The following ADAMTS10 variants were observed in gnomAD, a reference collection of about 807,000 sequenced individuals.
ADAMTS10 encodes the protein A disintegrin and metalloproteinase with thrombospondin motifs 10.
In ADAMTS10, 48 loss-of-function variants were observed where a neutral mutation model predicts 135.9. That is an observed-to-expected ratio of 0.35 (90% CI 0.28 to 0.45). The LOEUF is 0.45. ADAMTS10 is among the 20% of genes least tolerant of loss of function. The pLI, the probability that ADAMTS10 is intolerant of heterozygous loss-of-function variation, is 1.00. For missense variants in ADAMTS10, 1,131 were observed against 1,565.2 expected, an observed-to-expected ratio of 0.72 and a Z score of 4.68; for synonymous variants, 621 against 647.5, an observed-to-expected ratio of 0.96 and a Z score of 0.62.
Position 8,586,388 on chromosome 19 carries a change from C to A in ADAMTS10, c.2486G>T (p.Trp829Leu). Residue 829 changes from tryptophan (W) to leucine (L), a missense_variant, in exon 21 of 26, where the codon TGG (tryptophan) becomes TTG (leucine). Physicochemically the swap from Trp to Leu is moderately conservative, Grantham distance 61 (BLOSUM62 -2). Coordinates refer to ENST00000597188, the MANE Select transcript of ADAMTS10 (RefSeq NM_030957.4). Reference protein sequence around the residue: ...IARDSLPPYSWHYAPWTKCSA... With the variant: ...IARDSLPPYSLHYAPWTKCSA... ...GCACTTGGTCCAGGGCGCATAGTGC[C>A]AGGAGTAGGGGGGCAGCGAGTCACG... The A allele has an allele frequency of 6.2e-7, 1 of 1,613,868 alleles. No homozygotes were observed. Among genetic ancestry groups the A allele is most frequent in the Non-Finnish European group, 8.5e-7 (1 of 1,179,978 alleles).
rs781991380 is a variant in ADAMTS10 at position 8,591,968 on chromosome 19, C to G, written c.1723G>C (p.Asp575His). The change falls in exon 14 of 26, where the codon GAC becomes CAC. Residue 575 changes from aspartate to histidine, a missense_variant. Physicochemically the swap from Asp to His is moderately conservative, Grantham distance 81 (BLOSUM62 -1). Transcript: ENST00000597188. ...GTCCTGAGGGCTGACCTGGGGCTGT[C>G]GCAGTGACGGCTAGAAGAGGACACG... Reference protein sequence around the residue: ...GGVSSSSRHCDSPRPTIGGKY... With the variant: ...GGVSSSSRHCHSPRPTIGGKY... 1 of 1,613,472 alleles carries G rather than the reference C, an allele frequency of 6.2e-7. No homozygotes were observed. The highest frequency in any genetic ancestry group is 2.2e-5 in the East Asian group (1 of 44,860).
At chr19:8,581,129 ACTTTTTTTTTT>A in intron 25 of ADAMTS10, 127 bp from the exon 26 acceptor site, 5 of 126,898 alleles carry the variant, frequency 3.9e-5, no homozygotes, top group Non-Finnish European at 3.8e-5. Flanking sequence ...TTTTAAATTT[ACTTTTTTTTTT>A]TTTTTTTTTT....
At position 8,585,236 on chromosome 19, in the gene ADAMTS10, G is replaced by C. The variant is rs1206673788; in HGVS notation, c.2938C>G (p.Leu980Val). 7.7e-5 allele frequency: 112 copies of C among 1,463,770 alleles called. No individual in the cohort carries two copies. The highest frequency in any genetic ancestry group is 9.1e-5 in the Non-Finnish European group (101 of 1,106,466). 90.7% of individuals were successfully genotyped at this position (1,463,770 alleles called of 1,614,324 possible). ...GCGGGTGAGCAGTGCGCCGGGGGCA[G>C]CGTGGCGCGGTGGTCTGCGCTCTTG... Reference protein sequence around the residue: ...LCKSADHRATLPPAHCSPAAK... With the variant: ...LCKSADHRATVPPAHCSPAAK... Residue 980 changes from leucine to valine, a missense_variant, in exon 24 of 26, where the codon CTG (leucine) becomes GTG (valine). Physicochemically the swap from Leu to Val is conservative, Grantham distance 32. This residue lies in a region of ADAMTS10 where 745 missense variants were observed against 1,056.3 expected (regional missense o/e 0.71). Coordinates refer to ENST00000597188, the MANE Select transcript of ADAMTS10 (RefSeq NM_030957.4).
rs1316512752 is a variant in ADAMTS10, at chr19:8,595,666, C to T, written c.1479+96G>A. The T allele has an allele frequency of 6.5e-6, 10 of 1,532,890 alleles. No individual in the cohort carries two copies. In the South Asian group the frequency reaches 1.0e-4, roughly 15 times the overall value. 95.0% of individuals were successfully genotyped at this position (1,532,890 alleles called of 1,614,324 possible). A position where few individuals can be genotyped will look rare whatever the true frequency, so the allele number is the denominator to read the frequency against. ...ACCCCCCTTCCCGGTTCTCCCACCC[C>T]CTCACTTCCCAGGTGGGTGCCCTGG... On this transcript the variant is annotated intron_variant, in intron 12 of 25. Transcript: ENST00000597188.
intron 25 of ADAMTS10, 32 bp from the exon 26 acceptor site, chr19:8,581,034 G>A: frequency 6.5e-7 from 1 of 1,534,384 alleles, no homozygotes; most frequent in Non-Finnish European, 8.9e-7. Context: ...GGAAAAATCA[G>A]GTCTCAGCTG....
chr19:8,583,913 C>T (rs1555736276), intron 25 of ADAMTS10, among the ~76,000 whole-genome samples: 1 of 152,004 alleles, frequency 6.6e-6, no homozygotes, highest in African/African-American at 2.4e-5. Context: ...AATCCCAGCA[C>T]TTTGGGAGGC....
At chr19:8,600,728 G>A (rs1248774249) in intron 6 of ADAMTS10, among the ~76,000 whole-genome samples, 200 bp downstream of exon 6, 4 of 151,934 alleles carry the variant, frequency 2.6e-5, no homozygotes, top group Admixed American at 6.6e-5. Flanking sequence ...TCCATCTCCT[G>A]ACCTTGTGAT....
chr19:8,591,917 G>A (rs2042535791), intron 14 of ADAMTS10, 41 bp downstream of exon 14: 1 of 1,611,074 alleles, frequency 6.2e-7, no homozygotes, highest in Non-Finnish European at 8.5e-7. Flanking sequence ...ATGGGGGCAG[G>A]GGTCGCGCTG....
Position 8,585,251 on chromosome 19 carries a change from C to A in ADAMTS10, c.2923G>T (p.Asp975Tyr), listed in dbSNP as rs1228984035. The A allele has an allele frequency of 4.7e-6, 7 of 1,488,150 alleles. No homozygotes were observed. Among genetic ancestry groups the A allele is most frequent in the South Asian group, 1.3e-5 (1 of 78,374 alleles). The allele number at this position is 1,488,150 out of a possible 1,614,324, so 92.2% of individuals were successfully genotyped here. The change falls in exon 24 of 26, where the codon GAC becomes TAC. Residue 975 changes from aspartate to tyrosine, a missense_variant. By Grantham distance (160) the Asp-to-Tyr change is radical. Coordinates refer to ENST00000597188, the MANE Select transcript of ADAMTS10 (RefSeq NM_030957.4). ...GCCGGGGGCAGCGTGGCGCGGTGGT[C>A]TGCGCTCTTGCAAAGGACCACGCGG... is the stretch of plus-strand genomic sequence containing the variant. ...RHRVVLCKSA[D>Y]HRATLPPAHC...
chr19:8,594,240 C>A (rs535160171), intron 12 of ADAMTS10, among the ~76,000 whole-genome samples: 8 of 152,306 alleles, frequency 5.3e-5, no homozygotes, highest in African/African-American at 1.9e-4. Context: ...TATTTCCCCT[C>A]TCTGGGCCTC....
intron 1 of ADAMTS10, among the ~76,000 whole-genome samples, chr19:8,609,465 C>A (rs1380556328): frequency 6.6e-6 from 1 of 152,072 alleles, no homozygotes; most frequent in Admixed American, 6.6e-5. Context: ...GGCCAGGCTG[C>A]GGGGACAGGG....
rs782548229 is a variant in ADAMTS10 at position 8,581,053 on chromosome 19, G to C, written c.3203-51C>G. The C allele has an allele frequency of 3.7e-6, 5 of 1,361,660 alleles. No individual in the cohort carries two copies. In the African/African-American group the frequency reaches 7.3e-5, roughly 20 times the overall value. 84.3% of individuals were successfully genotyped at this position (1,361,660 alleles called of 1,614,324 possible). A position where few individuals can be genotyped will look rare whatever the true frequency, so the allele number is the denominator to read the frequency against. On this transcript the variant is annotated intron_variant, in intron 25 of 25. Transcript: ENST00000597188. Reference sequence around the variant, plus strand: ...AAATCAGGTCTCAGCTGCCCTCCCCGCAGGGCTGCACACACGACCTGCAGT... The same window carrying C: ...AAATCAGGTCTCAGCTGCCCTCCCCCCAGGGCTGCACACACGACCTGCAGT...
rs1176807131 is a variant in ADAMTS10, at chr19:8,610,625, C to T, written c.-215+19G>A. On this transcript the variant is annotated intron_variant, in intron 1 of 25. Transcript: ENST00000597188. ...CCCACTGAATCACGCACCCCCGGGC[C>T]CCCCGCCCGCGCCGCTACCTGCGCC... 1 of 150,940 alleles carries T rather than the reference C, an allele frequency of 6.6e-6. No individual in the cohort carries two copies. Among genetic ancestry groups the T allele is most frequent in the Non-Finnish European group, 1.5e-5 (1 of 67,620 alleles). 9.4% of individuals were successfully genotyped at this position (150,940 alleles called of 1,614,324 possible).
intron 25 of ADAMTS10, 123 bp from the exon 26 acceptor site, chr19:8,581,125 ATTTACTTT>A (rs1327679901): frequency 8.7e-6 from 2 of 230,690 alleles, no homozygotes; most frequent in Non-Finnish European, 1.4e-5. Flanking sequence ...TTCTTTTTAA[ATTTACTTT>A]TTTTTTTTTT....
chr19:8,585,843 G>T (rs1200134376), intron 22 of ADAMTS10, among the ~76,000 whole-genome samples, 183 bp from the exon 23 acceptor site: 5 of 152,148 alleles, frequency 3.3e-5, no homozygotes, highest in African/African-American at 1.2e-4. Flanking sequence ...GGGGCAGAGA[G>T]GTGCATTACC....
intron 5 of ADAMTS10, among the ~76,000 whole-genome samples, chr19:8,602,225 T>G (rs545574892): frequency 2.6e-5 from 4 of 152,346 alleles, no homozygotes; most frequent in African/African-American, 9.6e-5. Flanking sequence ...TACTGCTGAC[T>G]GTGGCTGTAT....
In ADAMTS10 at chr19:8,603,721, G is replaced by A. The variant is rs74823486; in HGVS notation, c.592+7C>T. The A allele has an allele frequency of 5.0e-6, 8 of 1,614,048 alleles. No homozygotes were observed. Among genetic ancestry groups the A allele is most frequent in the African/African-American group, 2.7e-5 (2 of 75,014 alleles). ...CCCTCTGCCCATCCCCAGAAAGACCGATGTACCTCTCACTCCACAGGCTGT... is the reference window on the plus strand; with the variant it reads ...CCCTCTGCCCATCCCCAGAAAGACCAATGTACCTCTCACTCCACAGGCTGT... On this transcript the variant is annotated splice_region_variant and intron_variant, in intron 5 of 25. Coordinates refer to ENST00000597188, the MANE Select transcript of ADAMTS10 (RefSeq NM_030957.4).
rs1368832185 is a variant in ADAMTS10, at chr19:8,585,064, G to T, written c.3043-10C>A. 4.0e-6 allele frequency: 6 copies of T among 1,515,910 alleles called. No homozygotes were observed. The African/African-American group carries it at 8.3e-5, about 21-fold the overall frequency. The allele number at this position is 1,515,910 out of a possible 1,614,324, so 93.9% of individuals were successfully genotyped here. A position where few individuals can be genotyped will look rare whatever the true frequency, so the allele number is the denominator to read the frequency against. ...CGCACTGTGCAGAGCACTGCGAGGG[G>T]GCACCACTCAGTTGCTGCCCCGCAG... On this transcript the variant is annotated splice_polypyrimidine_tract_variant and intron_variant, in intron 24 of 25. Transcript: ENST00000597188.
At chr19:8,595,603 C>T in intron 12 of ADAMTS10, 159 bp downstream of exon 12, 2 of 1,139,374 alleles carry the variant, frequency 1.8e-6, no homozygotes, top group South Asian at 1.3e-5. Context: ...ACACTCCATG[C>T]ACCTCTGTCC....
Sources: gnomAD v4.1 joint callset for allele counts (sites outside exome capture counted in the v4.1 genomes callset) on GRCh38, gnomAD v4.1.1 for gene constraint, gnomAD v4.1.1 regional missense constraint, MANE v1.5 for transcripts, NCBI Gene and HGNC (gene_info 2026-07-23, HGNC 2026-07-21) for gene names.